Variants in ELOVL5 observed in about 807,000 individuals in gnomAD.
ELOVL5 encodes very long chain fatty acid elongase 5.
In ELOVL5, 8 loss-of-function variants were observed where a neutral mutation model predicts 38.6. The ratio of observed to expected loss-of-function variants is 0.21; its 90% CI spans 0.12 to 0.37. The LOEUF is 0.37. Ranked by LOEUF, ELOVL5 falls within the 10% of genes least tolerant of loss-of-function variation. The pLI is 1.00. For missense variants in ELOVL5, 280 were observed against 367.8 expected, an observed-to-expected ratio of 0.76 and a Z score of 1.95; for synonymous variants, 127 against 133.7, an observed-to-expected ratio of 0.95 and a Z score of 0.34.
chr6:53,313,195 AG>A (rs1767910707), intron 1 of ELOVL5, among the ~76,000 whole-genome samples: 1 of 152,240 alleles, frequency 6.6e-6, no homozygotes. Flanking sequence ...GGTATCTCAG[AG>A]TCAGAATTAT....
At chr6:53,294,879 G>A (rs1485158037) in intron 2 of ELOVL5, among the ~76,000 whole-genome samples, 1 of 152,140 alleles carries the variant, frequency 6.6e-6, no homozygotes, top group Non-Finnish European at 1.5e-5. Context: ...CTAGGCAAAA[G>A]GGCATGTGCA....
chr6:53,322,009 A>T (rs941748893), intron 1 of ELOVL5, among the ~76,000 whole-genome samples: 1 of 152,202 alleles, frequency 6.6e-6, no homozygotes. Context: ...CCCTCAAACC[A>T]AGGAGCTAAG....
intron 1 of ELOVL5, among the ~76,000 whole-genome samples, chr6:53,315,969 T>C (rs989897261): frequency 6.6e-6 from 1 of 152,226 alleles, no homozygotes; most frequent in Admixed American, 6.5e-5. Context: ...CACTGTAATA[T>C]TACCTTGGGC....
At chr6:53,324,252 CA>C (rs59453946) in intron 1 of ELOVL5, among the ~76,000 whole-genome samples, 55,192 of 110,374 alleles carry the variant, frequency 0.5, 11,758 homozygotes, top group Non-Finnish European at 0.55. Flanking sequence ...GACTCTACCT[CA>C]AAAAAAAAAA....
rs747557102 is a variant in ELOVL5 at position 53,329,213 on chromosome 6, C to CT, written c.-9+19603dup. Among the ~76,000 whole-genome samples the CT allele has an allele frequency of 3.9e-5, 6 of 152,182 alleles. No homozygotes were observed. The East Asian group carries it at 1.2e-3, about 29-fold the overall frequency. Reference sequence around the variant, plus strand: ...ACTACTACTACTGCTACTGCTACTGCTACTGCTACTACGAGATTACTTTTT... The same window carrying CT: ...ACTACTACTACTGCTACTGCTACTGCTTACTGCTACTACGAGATTACTTTTT... On this transcript the variant is annotated intron_variant, in intron 1 of 7. Transcript: ENST00000304434.
intron 3 of ELOVL5, among the ~76,000 whole-genome samples, chr6:53,280,099 A>G (rs569284697): frequency 6.6e-6 from 1 of 152,358 alleles, no homozygotes; most frequent in Non-Finnish European, 1.5e-5. Flanking sequence ...TCAATTTCCC[A>G]GAAATTCTTC....
intron 1 of ELOVL5, among the ~76,000 whole-genome samples, chr6:53,331,313 G>A (rs777765622): frequency 2.0e-4 from 31 of 152,128 alleles, no homozygotes; most frequent in Non-Finnish European, 3.8e-4. Context: ...ATGACAGAGC[G>A]AGACCCCATT....
intron 7 of ELOVL5, 127 bp from the exon 8 acceptor site, chr6:53,269,397 G>A: frequency 1.6e-6 from 1 of 634,454 alleles, no homozygotes; most frequent in South Asian, 3.6e-5. Flanking sequence ...AGAAACTCCT[G>A]AGGTCAAGTC....
chr6:53,347,228 A>G (rs1392278980), intron 1 of ELOVL5, among the ~76,000 whole-genome samples: 1 of 142,742 alleles, frequency 7.0e-6, no homozygotes, highest in Non-Finnish European at 1.5e-5. Context: ...AAATGCAAAA[A>G]GAGAAACAGT....
intron 3 of ELOVL5, among the ~76,000 whole-genome samples, chr6:53,285,272 C>T (rs1265166318): frequency 1.3e-5 from 2 of 152,178 alleles, no homozygotes; most frequent in African/African-American, 4.8e-5. Context: ...AGCCTTATTG[C>T]TGAAAGTTTG....
chr6:53,333,108 T>A (rs1479941961), intron 1 of ELOVL5, among the ~76,000 whole-genome samples: 1 of 152,086 alleles, frequency 6.6e-6, no homozygotes, highest in African/African-American at 2.4e-5. Flanking sequence ...TTGGGAAGAG[T>A]ATCCCTTTGC....
intron 1 of ELOVL5, among the ~76,000 whole-genome samples, chr6:53,343,183 C>A (rs1475085604): frequency 6.7e-6 from 1 of 150,034 alleles, no homozygotes; most frequent in African/African-American, 2.5e-5. Flanking sequence ...ACTGTTCTGA[C>A]ATTTTCCCTC....
chr6:53,270,370 G>T (rs896807718), intron 7 of ELOVL5, among the ~76,000 whole-genome samples: 1 of 152,118 alleles, frequency 6.6e-6, no homozygotes, highest in Non-Finnish European at 1.5e-5. Flanking sequence ...CATTTCCCAG[G>T]GGAATCCCAA....
intron 2 of ELOVL5, chr6:53,294,235 T>A (rs1318742412): frequency 6.6e-7 from 1 of 1,514,262 alleles, no homozygotes; most frequent in East Asian, 2.5e-5. Context: ...AGAGAATCCT[T>A]AGGATCTAGT....
intron 6 of ELOVL5, among the ~76,000 whole-genome samples, chr6:53,271,953 T>G (rs1346926116): frequency 6.6e-6 from 1 of 152,244 alleles, no homozygotes; most frequent in Non-Finnish European, 1.5e-5. Context: ...TATAAATCAA[T>G]TTCTGCATCA....
At position 53,348,858 on chromosome 6, in the gene ELOVL5, G is replaced by A; in HGVS notation, c.-50C>T. On this transcript the variant is annotated 5_prime_UTR_variant, in exon 1 of 8. Transcript: ENST00000304434. ...CGGCAGCAGCTTTGAGCAGCAGCAAGGCGGCGGCGGCGGAGGGAGCGCGGG... is the reference window on the plus strand; with the variant it reads ...CGGCAGCAGCTTTGAGCAGCAGCAAAGCGGCGGCGGCGGAGGGAGCGCGGG... 2.2e-6 allele frequency: 1 copy of A among 452,860 alleles called. No homozygotes were observed. Among genetic ancestry groups the A allele is most frequent in the Non-Finnish European group, 4.4e-6 (1 of 225,388 alleles). The allele number at this position is 452,860 out of a possible 1,614,324, so 28.1% of individuals were successfully genotyped here.
intron 1 of ELOVL5, among the ~76,000 whole-genome samples, chr6:53,317,036 A>C (rs2127585238): frequency 6.6e-6 from 1 of 152,284 alleles, no homozygotes; most frequent in South Asian, 2.1e-4. Context: ...TCATAGTATT[A>C]AATGTAAGAA....
intron 1 of ELOVL5, among the ~76,000 whole-genome samples, chr6:53,308,865 TG>T (rs1205154052): frequency 2.2e-5 from 2 of 90,290 alleles, no homozygotes; most frequent in Non-Finnish European, 4.1e-5. Flanking sequence ...TTCCACCAGC[TG>T]GGGGGAGGGG....
chr6:53,272,859 C>A (rs1022493242), intron 6 of ELOVL5, among the ~76,000 whole-genome samples: 3 of 152,124 alleles, frequency 2.0e-5, no homozygotes, highest in Non-Finnish European at 4.4e-5. Context: ...CTTCTAAAAC[C>A]CCTGGAAACA....
Sources: gnomAD v4.1 joint callset for allele counts (sites outside exome capture counted in the v4.1 genomes callset) on GRCh38, gnomAD v4.1.1 for gene constraint, MANE v1.5 for transcripts, NCBI Gene and HGNC (gene_info 2026-07-23, HGNC 2026-07-21) for gene names.